BRINP2: variants seen among roughly 807,000 people sequenced by gnomAD.
The protein encoded by BRINP2 is BMP/retinoic acid inducible neural specific 2.
Under a neutral mutation model 69.2 loss-of-function variants are expected in BRINP2, and 21 were observed. The observed-to-expected ratio is 0.30, with a 90% CI of 0.22 to 0.44. The LOEUF (loss-of-function observed/expected upper bound fraction) is 0.44, where lower values mean the gene tolerates loss of function less well. Among genes scored for constraint, BRINP2 ranks in the 20% least tolerant of loss-of-function variants. The pLI is 1.00. For synonymous variants in BRINP2, 380 were observed against 394.1 expected (o/e 0.96, Z 0.42); for missense variants, 877 against 986.0 (o/e 0.89, Z 1.48).
chr1:177,206,247 AG>A (rs1649067749), intron 1 of BRINP2, among the ~76,000 whole-genome samples: 4 of 152,240 alleles, frequency 2.6e-5, no homozygotes, highest in African/African-American at 9.6e-5. Context: ...ACCTCATAAG[AG>A]ACCCAGAGTT....
intron 1 of BRINP2, among the ~76,000 whole-genome samples, chr1:177,192,444 G>A (rs1450479699): frequency 6.6e-6 from 1 of 152,172 alleles, no homozygotes; most frequent in East Asian, 1.9e-4. Context: ...AAATATAGGT[G>A]TGAGATTAGG....
intron 2 of BRINP2, among the ~76,000 whole-genome samples, chr1:177,231,845 G>T (rs1571918301): frequency 6.6e-6 from 1 of 152,176 alleles, no homozygotes; most frequent in Non-Finnish European, 1.5e-5. Flanking sequence ...GGTAAAAGCA[G>T]ATGAGTAGAA....
chr1:177,204,871 TG>T (rs1160705703), intron 1 of BRINP2, among the ~76,000 whole-genome samples: 9 of 152,322 alleles, frequency 5.9e-5, no homozygotes, highest in African/African-American at 1.9e-4. Context: ...AATAAAAACT[TG>T]CATTCTATTT....
At position 177,278,745 on chromosome 1, in the gene BRINP2, C is replaced by G; in HGVS notation, c.1195C>G (p.Arg399Gly). ...ACGCCGGCTCTTCAACCTCTGCAAGCGCTGCCATCGCCAGCCTCGCTTCCG... is the reference window on the plus strand; with the variant it reads ...ACGCCGGCTCTTCAACCTCTGCAAGGGCTGCCATCGCCAGCCTCGCTTCCG... The part of the protein sequence containing the change: ...ILRRLFNLCK[R>G]CHRQPRFRLP... Residue 399 changes from arginine to glycine, a missense_variant, in exon 7 of 8, where the codon CGC becomes GGC. Physicochemically the swap from Arg to Gly is moderately radical, Grantham distance 125. This residue lies in a region of BRINP2 where 566 missense variants were observed against 625.2 expected (regional missense o/e 0.91). Transcript: ENST00000361539. 2.5e-6 allele frequency: 4 copies of G among 1,614,192 alleles called. No individual in the cohort carries two copies. The South Asian group carries it at 4.4e-5, about 18-fold the overall frequency.
At chr1:177,256,195 T>C in intron 3 of BRINP2, 86 bp downstream of exon 3, 2 of 1,491,526 alleles carry the variant, frequency 1.3e-6, no homozygotes, top group African/African-American at 2.8e-5. Flanking sequence ...TCCAACAGTC[T>C]TATCTTCTTC....
At chr1:177,175,885 T>C (rs1648074212) in intron 1 of BRINP2, among the ~76,000 whole-genome samples, 1 of 152,192 alleles carries the variant, frequency 6.6e-6, no homozygotes, top group African/African-American at 2.4e-5. Context: ...ACTGCTATGT[T>C]TGGGGGCTGA....
Position 177,280,468 on chromosome 1 carries a change from C to A in BRINP2, c.1292C>A (p.Thr431Asn). The change falls in exon 8 of 8, where the codon ACC (threonine) becomes AAC (asparagine). Residue 431 changes from threonine (T) to asparagine (N), a missense_variant. Transcript: ENST00000361539. ...IQSLLYCGES[T>N]FPGTFLEQSH... is the part of the protein sequence containing the mutation. ...TCCCTCCTCTACTGTGGGGAAAGCA[C>A]CTTTCCTGGCACTTTCCTGGAACAG... The A allele has an allele frequency of 6.2e-7, 1 of 1,614,108 alleles. No individual in the cohort carries two copies. Among genetic ancestry groups the A allele is most frequent in the East Asian group, 2.2e-5 (1 of 44,872 alleles).
intron 2 of BRINP2, among the ~76,000 whole-genome samples, chr1:177,253,617 A>G (rs997491093): frequency 7.2e-5 from 11 of 152,122 alleles, no homozygotes; most frequent in African/African-American, 2.7e-4. Context: ...GCCCACATCA[A>G]TGTCATAAAG....
chr1:177,281,431 C>G lies in BRINP2; in HGVS notation c.2255C>G (p.Ala752Gly). The change falls in exon 8 of 8, where the codon GCC (alanine) becomes GGC (glycine). Residue 752 changes from alanine to glycine, a missense_variant. This residue lies in a region of BRINP2 where 225 missense variants were observed against 218.7 expected (regional missense o/e 1.03). Transcript: ENST00000361539. ...TTGCTCCGGCATCGGCTTAAGCTGG[C>G]CAACAATGAGGTGGGCAGGATCCAG... ...SCLLRHRLKL[A>G]NNEVGRIQSS... The G allele has an allele frequency of 1.2e-6, 2 of 1,614,028 alleles. No homozygotes were observed. The highest frequency in any genetic ancestry group is 1.1e-5 in the South Asian group (1 of 91,082).
intron 1 of BRINP2, among the ~76,000 whole-genome samples, chr1:177,183,137 C>CTTTTTTTTTTTTTT (rs71129597): frequency 6.6e-4 from 36 of 54,310 alleles, no homozygotes; most frequent in Non-Finnish European, 8.5e-4. Context: ...AGTGTGTGAG[C>CTTTTTTTTTTTTTT]TTTTTTTTTT....
chr1:177,182,175 A>T (rs1429106803), intron 1 of BRINP2, among the ~76,000 whole-genome samples: 2 of 101,014 alleles, frequency 2.0e-5, no homozygotes, highest in Non-Finnish European at 3.9e-5. Context: ...TAGCTCCCTC[A>T]CTCAGCCTCA....
chr1:177,187,383 GC>G lies in BRINP2; in HGVS notation c.-77+15652del, dbSNP rs1385165417. ...TCCTTGGCTACTTTATGAACTTGTT[GC>G]TCTAGACCCAGACCTTTTGGCAATG... is the stretch of plus-strand genomic sequence containing the variant. On this transcript the variant is annotated intron_variant, in intron 1 of 7. Coordinates refer to ENST00000361539, the MANE Select transcript of BRINP2 (RefSeq NM_021165.4). 2.6e-5 allele frequency among the ~76,000 whole-genome samples: 4 copies of G among 152,268 alleles called. No individual in the cohort carries two copies. In the East Asian group the frequency reaches 7.7e-4, roughly 29 times the overall value.
At chr1:177,257,408 A>G in intron 4 of BRINP2, 24 bp downstream of exon 4, 1 of 1,580,378 alleles carries the variant, frequency 6.3e-7, no homozygotes, top group Non-Finnish European at 8.6e-7. Flanking sequence ...AGGTACAGGG[A>G]AGGGGATGGG....
At chr1:177,188,151 A>G (rs1038210746) in intron 1 of BRINP2, among the ~76,000 whole-genome samples, 1 of 152,246 alleles carries the variant, frequency 6.6e-6, no homozygotes, top group Admixed American at 6.5e-5. Context: ...TCTAGTTAGC[A>G]TCATTTTGTG....
chr1:177,196,451 C>T (rs1571891675), intron 1 of BRINP2, among the ~76,000 whole-genome samples: 1 of 152,152 alleles, frequency 6.6e-6, no homozygotes, highest in African/African-American at 2.4e-5. Context: ...AACCCCATCT[C>T]TACTACAAAT....
At chr1:177,274,173 C>A (rs1340507920) in intron 5 of BRINP2, among the ~76,000 whole-genome samples, 2 of 152,120 alleles carry the variant, frequency 1.3e-5, no homozygotes, top group Non-Finnish European at 2.9e-5. Flanking sequence ...TGATCTGAGA[C>A]AGAACAAGCA....
At chr1:177,273,650 T>A (rs1400333308) in intron 5 of BRINP2, 57 bp downstream of exon 5, 1 of 1,100,290 alleles carries the variant, frequency 9.1e-7, no homozygotes, top group African/African-American at 1.6e-5. Context: ...AAAAAAAAAT[T>A]CCTAGATCAA....
intron 6 of BRINP2, among the ~76,000 whole-genome samples, chr1:177,276,803 G>T (rs745411719): frequency 2.0e-5 from 3 of 152,200 alleles, no homozygotes; most frequent in Non-Finnish European, 2.9e-5. Flanking sequence ...TGCATAGAAT[G>T]GTTCTAGATG....
In BRINP2 at chr1:177,240,561, C is replaced by T. The variant is rs181718845; in HGVS notation, c.269+10416C>T. Among the ~76,000 whole-genome samples, 222 of 152,224 alleles carry T rather than the reference C, an allele frequency of 1.5e-3. 2 individuals are homozygous for T. Among genetic ancestry groups the T allele is most frequent in the Non-Finnish European group, 8.1e-4 (55 of 68,030 alleles). ...CGAGAGGAAAAGAGGCTGTGAGAGT[C>T]CCTGAATGTTGGCCTGGTTCATTGA... On this transcript the variant is annotated intron_variant, in intron 2 of 7. Transcript: ENST00000361539.
Sources: allele counts gnomAD v4.1 joint callset (sites outside exome capture counted in the v4.1 genomes callset), GRCh38; gene constraint gnomAD v4.1.1; regional missense constraint gnomAD v4.1.1; transcripts MANE v1.5; gene names NCBI Gene and HGNC (gene_info 2026-07-23, HGNC 2026-07-21).